The following VCAN variants were observed in gnomAD, a reference collection of about 807,000 sequenced individuals.
VCAN encodes the protein versican.
A neutral mutation model predicts 245.5 loss-of-function variants in VCAN; 44 were observed. The observed-to-expected ratio is 0.18, with a 90% CI of 0.14 to 0.23. The LOEUF (loss-of-function observed/expected upper bound fraction) is 0.23. VCAN is among the 10% of genes least tolerant of loss of function. VCAN has a pLI of 1.00. For missense variants in VCAN, 3,793 were observed against 4,057.9 expected, an observed-to-expected ratio of 0.93 and a Z score of 1.77; for synonymous variants, 1,413 against 1,437.0, an observed-to-expected ratio of 0.98 and a Z score of 0.38.
intron 8 of VCAN, among the ~76,000 whole-genome samples, chr5:83,542,627 T>C (rs927177563): frequency 3.9e-5 from 6 of 152,184 alleles, no homozygotes; most frequent in Non-Finnish European, 2.9e-5. Context: ...GGTTTAAAAG[T>C]AGAAAAAAAG....
chr5:83,480,981 C>A (rs183991090), intron 1 of VCAN, among the ~76,000 whole-genome samples: 7 of 151,938 alleles, frequency 4.6e-5, no homozygotes, highest in African/African-American at 4.8e-5. Context: ...ATGATCACTT[C>A]GGTAAGTACT....
chr5:83,513,601 C>A (rs1745743617), intron 6 of VCAN, among the ~76,000 whole-genome samples: 1 of 152,196 alleles, frequency 6.6e-6, no homozygotes, highest in African/African-American at 2.4e-5. Context: ...ATTAGCTTGC[C>A]ACAAGCTGGT....
At chr5:83,542,724 T>C (rs933617157) in intron 8 of VCAN, among the ~76,000 whole-genome samples, 1 of 152,222 alleles carries the variant, frequency 6.6e-6, no homozygotes, top group Admixed American at 6.5e-5. Context: ...GAGTAGTACG[T>C]AGCTCTAATA....
At position 83,519,604 on chromosome 5, in the gene VCAN, C is replaced by T; in HGVS notation, c.1298C>T (p.Pro433Leu). ...ACACCTACTGGCAGTACCAAGAAGC[C>T]CTGGGATATGGATGACTACTCACCT... ...LPTPTGSTKK[P>L]WDMDDYSPSA... The change falls in exon 7 of 15, where the codon CCC (proline) becomes CTC (leucine). Residue 433 changes from proline (P) to leucine (L), a missense_variant. Physicochemically the swap from Pro to Leu is moderately conservative, Grantham distance 98. This residue lies in a region of VCAN where 3,182 missense variants were observed against 3,250.3 expected (regional missense o/e 0.98). Transcript: ENST00000265077. 1 of 1,614,100 alleles carries T rather than the reference C, an allele frequency of 6.2e-7. No homozygotes were observed. The highest frequency in any genetic ancestry group is 8.5e-7 in the Non-Finnish European group (1 of 1,179,984).
chr5:83,580,619 G>C lies in VCAN; in HGVS notation c.*185G>C. 1.2e-6 allele frequency: 1 copy of C among 845,044 alleles called. No homozygotes were observed. The allele number at this position is 845,044 out of a possible 1,614,324, so 52.3% of individuals were successfully genotyped here. A position where few individuals can be genotyped will look rare whatever the true frequency, so the allele number is the denominator to read the frequency against. On this transcript the variant is annotated 3_prime_UTR_variant, in exon 15 of 15. Transcript: ENST00000265077. ...AGTATTGGCATTCAAAAAGACAGCA[G>C]ACAAAATGAAAGAAAATGAGAGCAG...
intron 5 of VCAN, among the ~76,000 whole-genome samples, chr5:83,504,714 T>C (rs1745431921): frequency 6.6e-6 from 1 of 152,224 alleles, no homozygotes. Flanking sequence ...TTTAACTTAC[T>C]GTAAACCTGA....
intron 7 of VCAN, among the ~76,000 whole-genome samples, chr5:83,527,092 C>T (rs1214421852): frequency 6.6e-6 from 1 of 152,168 alleles, no homozygotes; most frequent in African/African-American, 2.4e-5. Flanking sequence ...TAGGTACTGC[C>T]CTGTCTGTCA....
At chr5:83,578,831 A>G (rs1046040854) in intron 13 of VCAN, among the ~76,000 whole-genome samples, 1 of 152,162 alleles carries the variant, frequency 6.6e-6, no homozygotes, top group Non-Finnish European at 1.5e-5. Context: ...AAAGATATAT[A>G]GGTAAATATA....
intron 12 of VCAN, among the ~76,000 whole-genome samples, chr5:83,558,362 G>T (rs1747749458): frequency 6.6e-6 from 1 of 152,094 alleles, no homozygotes; most frequent in Non-Finnish European, 1.5e-5. Flanking sequence ...TTGACTGTGT[G>T]CAGTTTTAAG....
At chr5:83,577,172 G>A (rs547534094) in intron 13 of VCAN, among the ~76,000 whole-genome samples, 18 of 151,924 alleles carry the variant, frequency 1.2e-4, no homozygotes, top group South Asian at 6.3e-4. Flanking sequence ...AAATTAATCC[G>A]CCTGGGGGAG....
At chr5:83,555,210 A>C (rs1016710194) in intron 12 of VCAN, among the ~76,000 whole-genome samples, 172 bp downstream of exon 12, 10 of 152,180 alleles carry the variant, frequency 6.6e-5, no homozygotes, top group Admixed American at 2.0e-4. Context: ...CTGATCCAAC[A>C]TCCAGTCCTC....
chr5:83,547,748 G>T (rs1379252246), intron 9 of VCAN, among the ~76,000 whole-genome samples: 1 of 152,090 alleles, frequency 6.6e-6, no homozygotes, highest in Non-Finnish European at 1.5e-5. Flanking sequence ...AATTCAGGAT[G>T]GCCACTTATA....
chr5:83,515,292 C>A (rs180917168), intron 6 of VCAN, among the ~76,000 whole-genome samples: 9 of 152,308 alleles, frequency 5.9e-5, no homozygotes, highest in Non-Finnish European at 1.2e-4. Context: ...TTTCATACAT[C>A]CCCAAACTTA....
intron 6 of VCAN, 56 bp downstream of exon 6, chr5:83,512,452 A>T (rs766039011): frequency 8.9e-6 from 14 of 1,580,036 alleles, no homozygotes; most frequent in African/African-American, 1.3e-5. Flanking sequence ...GCTTCGAAGC[A>T]TGCATTGATG....
At chr5:83,534,203 A>T (rs185185687) in intron 7 of VCAN, 2 of 151,982 alleles carry the variant, frequency 1.3e-5, no homozygotes, top group Admixed American at 1.3e-4. Context: ...AGATCATGAG[A>T]TATGTTTGTA....
chr5:83,517,937 A>G (rs1011622767), intron 6 of VCAN, among the ~76,000 whole-genome samples: 1 of 152,206 alleles, frequency 6.6e-6, no homozygotes, highest in Non-Finnish European at 1.5e-5. Flanking sequence ...TTACAGCCCT[A>G]GTCTGATTTA....
At chr5:83,556,786 C>A (rs73148652) in intron 12 of VCAN, among the ~76,000 whole-genome samples, 6,808 of 152,144 alleles carry the variant, frequency 0.045, 322 homozygotes, top group African/African-American at 0.11. Flanking sequence ...TCTAAGTGAA[C>A]ATATGATTCA....
In VCAN at chr5:83,560,936, A is replaced by G. The variant is rs1340718062; in HGVS notation, c.9735+5898A>G. ...CGCATTTACTTCAAAGGGAACCATC[A>G]CTTTAGATGGCCATGTATAGAGGCC... On this transcript the variant is annotated intron_variant, in intron 12 of 14. Coordinates refer to ENST00000265077, the MANE Select transcript of VCAN (RefSeq NM_004385.5). Among the ~76,000 whole-genome samples, 3 of 152,256 alleles carry G rather than the reference A, an allele frequency of 2.0e-5. No homozygotes were observed. The East Asian group carries it at 5.8e-4, about 29-fold the overall frequency.
intron 2 of VCAN, 85 bp from the exon 3 acceptor site, chr5:83,490,012 TA>T: frequency 6.9e-7 from 1 of 1,455,030 alleles, no homozygotes; most frequent in Non-Finnish European, 9.5e-7. Context: ...CAAACTATTA[TA>T]AAGGCTGCTT....
Sources: gnomAD v4.1 joint callset for allele counts (sites outside exome capture counted in the v4.1 genomes callset) on GRCh38, gnomAD v4.1.1 for gene constraint, gnomAD v4.1.1 regional missense constraint, MANE v1.5 for transcripts, NCBI Gene and HGNC (gene_info 2026-07-23, HGNC 2026-07-21) for gene names.